The following INSR variants were observed in gnomAD, a reference collection of about 807,000 sequenced individuals.
The protein encoded by INSR is insulin receptor.
INSR carries 67 observed loss-of-function variants against 142.6 expected under a neutral mutation model. That is an observed-to-expected ratio of 0.47 (90% CI 0.39 to 0.58). INSR has a LOEUF of 0.58. Among genes scored for constraint, INSR ranks in the 20% least tolerant of loss-of-function variants. The probability of loss-of-function intolerance (pLI) is 0.00; values close to 1 mark genes in which losing one functional copy is unlikely to be tolerated. For missense variants in INSR, 1,248 were observed against 1,833.2 expected (o/e 0.68, Z 5.83); for synonymous variants, 756 against 743.1 (o/e 1.02, Z -0.28).
At chr19:7,260,067 G>A (rs991519610) in intron 2 of INSR, among the ~76,000 whole-genome samples, 1 of 152,152 alleles carries the variant, frequency 6.6e-6, no homozygotes, top group African/African-American at 2.4e-5. Flanking sequence ...GAAGCAGAGA[G>A]TTTCCATAGG....
At chr19:7,259,362 G>C (rs1228632476) in intron 2 of INSR, among the ~76,000 whole-genome samples, 1 of 151,972 alleles carries the variant, frequency 6.6e-6, no homozygotes, top group Admixed American at 6.6e-5. Context: ...GGGGTGGGCG[G>C]GGCAGTGTTG....
intron 1 of INSR, among the ~76,000 whole-genome samples, chr19:7,276,884 C>T (rs1968075914): frequency 6.6e-6 from 1 of 152,100 alleles, no homozygotes; most frequent in East Asian, 1.9e-4. Flanking sequence ...GCGCCCGCCA[C>T]CACGCACAGC....
chr19:7,244,644 C>T (rs1976474265), intron 2 of INSR, among the ~76,000 whole-genome samples: 1 of 152,078 alleles, frequency 6.6e-6, no homozygotes. Flanking sequence ...CCCATTTTTC[C>T]ATTTGTCCCA....
At chr19:7,149,186 C>G (rs1973259173) in intron 11 of INSR, among the ~76,000 whole-genome samples, 1 of 152,116 alleles carries the variant, frequency 6.6e-6, no homozygotes, top group South Asian at 2.1e-4. Flanking sequence ...GGATTACAGG[C>G]GTGAGCCACC....
intron 2 of INSR, among the ~76,000 whole-genome samples, chr19:7,226,872 T>C (rs576128594): frequency 1.3e-5 from 2 of 152,146 alleles, no homozygotes; most frequent in Non-Finnish European, 2.9e-5. Context: ...TAAAAACTAA[T>C]GCCCTCCTCC....
intron 3 of INSR, among the ~76,000 whole-genome samples, chr19:7,175,600 C>T (rs1306540742): frequency 1.3e-5 from 2 of 152,056 alleles, no homozygotes; most frequent in Admixed American, 6.6e-5. Flanking sequence ...TTTGGGAGTC[C>T]GAGGCGGGCA....
chr19:7,282,830 G>A (rs561814470), intron 1 of INSR, among the ~76,000 whole-genome samples: 7 of 151,636 alleles, frequency 4.6e-5, no homozygotes, highest in East Asian at 3.9e-4. Flanking sequence ...AAAATTAGCC[G>A]GGGGCAGTGG....
intron 3 of INSR, among the ~76,000 whole-genome samples, chr19:7,176,068 C>T (rs1974128529): frequency 6.6e-6 from 1 of 152,136 alleles, no homozygotes; most frequent in African/African-American, 2.4e-5. Context: ...CCCATGGAGG[C>T]AGGACCATGA....
At chr19:7,188,687 C>T (rs1421033009) in intron 2 of INSR, among the ~76,000 whole-genome samples, 2 of 151,828 alleles carry the variant, frequency 1.3e-5, no homozygotes, top group East Asian at 3.9e-4. Flanking sequence ...CCAGCCTGAC[C>T]AACATGGTGA....
At chr19:7,210,469 G>A (rs888216877) in intron 2 of INSR, among the ~76,000 whole-genome samples, 1 of 151,940 alleles carries the variant, frequency 6.6e-6, no homozygotes, top group Non-Finnish European at 1.5e-5. Flanking sequence ...GAGAAAATAT[G>A]GGTTCTGGAG....
At chr19:7,207,868 T>C (rs1333885415) in intron 2 of INSR, among the ~76,000 whole-genome samples, 2 of 127,966 alleles carry the variant, frequency 1.6e-5, no homozygotes, top group Non-Finnish European at 3.3e-5. Context: ...GCCTGGGTGA[T>C]AGAGTGAGAC....
At chr19:7,155,553 A>AG (rs1973567953) in intron 9 of INSR, among the ~76,000 whole-genome samples, 1 of 149,992 alleles carries the variant, frequency 6.7e-6, no homozygotes, top group Non-Finnish European at 1.5e-5. Context: ...AAAAAAAAAA[A>AG]AAAATCTCTG....
intron 2 of INSR, among the ~76,000 whole-genome samples, chr19:7,249,791 G>C (rs1478511416): frequency 2.0e-5 from 3 of 152,164 alleles, no homozygotes; most frequent in South Asian, 2.1e-4. Flanking sequence ...AGGAGATCGA[G>C]ACCATCCTGG....
intron 8 of INSR, among the ~76,000 whole-genome samples, chr19:7,163,717 G>T (rs1226915391): frequency 1.3e-5 from 2 of 151,722 alleles, no homozygotes; most frequent in Non-Finnish European, 2.9e-5. Context: ...TAAGTCTTTT[G>T]GTGTCACTAA....
rs768910943 is a variant in INSR at position 7,216,291 on chromosome 19, T to C, written c.653-31654A>G. ...GTGAGCTGAGATCGTGCCATTGCAC[T>C]CCAGCCTGGGCAAGAGAGCAAGACT... On this transcript the variant is annotated intron_variant, in intron 2 of 21. Transcript: ENST00000302850. This position sits in a 1 kb window ranked among gnomAD's most constrained non-coding sequence, Gnocchi z 4.2. Among the ~76,000 whole-genome samples the C allele has an allele frequency of 2.9e-4, 44 of 152,164 alleles. No homozygotes were observed. Among genetic ancestry groups the C allele is most frequent in the Non-Finnish European group, 5.1e-4 (35 of 68,028 alleles).
intron 1 of INSR, among the ~76,000 whole-genome samples, chr19:7,280,039 G>A (rs779650920): frequency 5.3e-5 from 8 of 151,982 alleles, no homozygotes; most frequent in Non-Finnish European, 7.4e-5. Flanking sequence ...GCCGAGGCGG[G>A]CGGATCACGA....
At chr19:7,147,087 A>G (rs1973203134) in intron 11 of INSR, among the ~76,000 whole-genome samples, 1 of 152,046 alleles carries the variant, frequency 6.6e-6, no homozygotes, top group South Asian at 2.1e-4. Flanking sequence ...AAGGTATGTG[A>G]TATTCACATT....
At chr19:7,151,457 T>C (rs374170216) in intron 10 of INSR, among the ~76,000 whole-genome samples, 2 of 96,894 alleles carry the variant, frequency 2.1e-5, no homozygotes, top group Non-Finnish European at 5.0e-5. Flanking sequence ...TTTTTTTTTT[T>C]TCCTTTTTTA....
intron 13 of INSR, among the ~76,000 whole-genome samples, chr19:7,135,967 C>CAAA (rs1012987600): frequency 1.1e-5 from 1 of 92,838 alleles, no homozygotes. Context: ...GACTCCATCT[C>CAAA]AAAAAAAAAA....
Sources: gnomAD v4.1 joint callset for allele counts (sites outside exome capture counted in the v4.1 genomes callset) on GRCh38, gnomAD v4.1.1 for gene constraint, Gnocchi (gnomAD v3.1) non-coding constraint, MANE v1.5 for transcripts, NCBI Gene and HGNC (gene_info 2026-07-23, HGNC 2026-07-21) for gene names.